Variants in OSBPL10 observed in about 807,000 individuals in gnomAD.
The protein encoded by OSBPL10 is oxysterol-binding protein-related protein 10.
Under a neutral mutation model 81.7 loss-of-function variants are expected in OSBPL10, and 49 were observed. That is an observed-to-expected ratio of 0.60 (90% CI 0.48 to 0.76). The LOEUF (loss-of-function observed/expected upper bound fraction) is 0.76, where lower values mean the gene tolerates loss of function less well. OSBPL10 is among the 30% of genes least tolerant of loss of function. The pLI, the probability that OSBPL10 is intolerant of heterozygous loss-of-function variation, is 0.00. For synonymous variants in OSBPL10, 419 were observed against 383.6 expected (o/e 1.09, Z -1.08); for missense variants, 923 against 987.8 (o/e 0.93, Z 0.88).
intron 6 of OSBPL10, among the ~76,000 whole-genome samples, chr3:31,712,635 C>A (rs9310976): frequency 0.75 from 114,518 of 152,156 alleles, 44,169 homozygotes; most frequent in East Asian, 0.91. Context: ...CTCCAGAAAG[C>A]AATGCAGCCC....
At chr3:31,988,925 C>T in intron 2 of OSBPL10, 1 of 1,009,926 alleles carries the variant, frequency 9.9e-7, no homozygotes, top group Non-Finnish European at 1.4e-6. Flanking sequence ...CCTCCAAACC[C>T]CGACCCACAG....
chr3:31,865,190 C>T (rs1701147086), intron 3 of OSBPL10, among the ~76,000 whole-genome samples: 2 of 152,164 alleles, frequency 1.3e-5, no homozygotes, highest in Admixed American at 6.5e-5. Flanking sequence ...TTCTTAGAAA[C>T]CATTAAGTAA....
At chr3:31,858,002 T>C (rs746719197) in intron 3 of OSBPL10, among the ~76,000 whole-genome samples, 1 of 135,216 alleles carries the variant, frequency 7.4e-6, no homozygotes, top group Non-Finnish European at 1.5e-5. Flanking sequence ...AGCCTGTGTT[T>C]TTTTTTTTTT....
chr3:31,966,925 TATC>T (rs148750982), intron 1 of OSBPL10, among the ~76,000 whole-genome samples: 1 of 151,846 alleles, frequency 6.6e-6, no homozygotes, highest in African/African-American at 2.4e-5. Context: ...AAATTAAAAA[TATC>T]ATAATACCAA....
intron 2 of OSBPL10, among the ~76,000 whole-genome samples, chr3:32,034,237 G>A (rs1449666632): frequency 1.3e-5 from 2 of 151,668 alleles, no homozygotes; most frequent in African/African-American, 2.4e-5. Context: ...ATTTGGGTGG[G>A]GACACAGAGC....
chr3:31,780,463 A>G (rs938839735), intron 4 of OSBPL10, among the ~76,000 whole-genome samples: 2 of 152,096 alleles, frequency 1.3e-5, no homozygotes, highest in African/African-American at 2.4e-5. Flanking sequence ...AGAAATAAAA[A>G]AGATCAGAAT....
chr3:31,923,802 A>G (rs1696987889), intron 1 of OSBPL10, among the ~76,000 whole-genome samples: 1 of 152,134 alleles, frequency 6.6e-6, no homozygotes, highest in Non-Finnish European at 1.5e-5. Context: ...GACAGTGAGG[A>G]GTAAGTAAAA....
chr3:31,790,720 A>G (rs1010902953), intron 4 of OSBPL10, among the ~76,000 whole-genome samples: 2 of 152,134 alleles, frequency 1.3e-5, no homozygotes, highest in Non-Finnish European at 2.9e-5. Flanking sequence ...TGAGAGCTTC[A>G]ACCACCCACT....
At position 32,025,830 on chromosome 3, in the gene OSBPL10, A is replaced by T. The variant is rs559979626; in HGVS notation, n.298+20661T>A. On this transcript the variant is annotated intron_variant and non_coding_transcript_variant, in intron 2 of 3. Transcript: ENST00000479173. ...AGTAATGTCCTCTCTTTCATTCCTG[A>T]TTTTGTGTCTCTTCTTTTCTTGGTC... Among the ~76,000 whole-genome samples the T allele has an allele frequency of 2.6e-5, 4 of 151,904 alleles. No individual in the cohort carries two copies. In the East Asian group the frequency reaches 7.8e-4, roughly 29 times the overall value.
At chr3:31,981,929 G>A (rs1184083722), upstream of OSBPL10, 1 of 152,202 alleles carries the variant, frequency 6.6e-6, no homozygotes, top group Non-Finnish European at 1.5e-5. The surrounding 1 kb of genome is among the most constrained non-coding windows in gnomAD (Gnocchi z 4.5). Context: ...TTTTCATGCA[G>A]CAGGATTATG....
chr3:31,792,853 A>G (rs1286599394), intron 4 of OSBPL10, among the ~76,000 whole-genome samples: 1 of 114,146 alleles, frequency 8.8e-6, no homozygotes, highest in Admixed American at 1.1e-4. Flanking sequence ...TCAGCTATCT[A>G]GGCACTCTGT....
chr3:32,038,223 G>A (rs1400315800), intron 2 of OSBPL10, among the ~76,000 whole-genome samples: 1 of 152,116 alleles, frequency 6.6e-6, no homozygotes, highest in Non-Finnish European at 1.5e-5. Context: ...CAACACAGGC[G>A]AGCCCCAAAA....
chr3:31,925,071 T>G (rs1160212471), intron 1 of OSBPL10, among the ~76,000 whole-genome samples: 1 of 152,196 alleles, frequency 6.6e-6, no homozygotes, highest in Non-Finnish European at 1.5e-5. Context: ...AGCACCTGGC[T>G]GTCACCAAAA....
At position 31,808,066 on chromosome 3, in the gene OSBPL10, A is replaced by G. The variant is rs2125465468; in HGVS notation, c.729+21974T>C. 2.0e-5 allele frequency among the ~76,000 whole-genome samples: 3 copies of G among 152,302 alleles called. No individual in the cohort carries two copies. The South Asian group carries it at 6.2e-4, about 32-fold the overall frequency. ...TACTTCTATCCCGATTTTGTAACTG[A>G]GCAGCTAGCTACAATGACCCTGAGT... On this transcript the variant is annotated intron_variant, in intron 4 of 11. Coordinates refer to ENST00000396556, the MANE Select transcript of OSBPL10 (RefSeq NM_017784.5).
chr3:31,768,736 C>A (rs1698273241), intron 4 of OSBPL10, among the ~76,000 whole-genome samples: 1 of 152,134 alleles, frequency 6.6e-6, no homozygotes, highest in African/African-American at 2.4e-5. Context: ...CATCAGGAAC[C>A]CAAACCTACA....
intron 4 of OSBPL10, among the ~76,000 whole-genome samples, chr3:31,750,737 T>G (rs1370279254): frequency 6.6e-6 from 1 of 152,144 alleles, no homozygotes; most frequent in East Asian, 1.9e-4. Context: ...CATTATGTTT[T>G]TATTATTATG....
At chr3:31,974,015 GT>G (rs2125495948) in intron 1 of OSBPL10, among the ~76,000 whole-genome samples, 1 of 152,286 alleles carries the variant, frequency 6.6e-6, no homozygotes, top group East Asian at 1.9e-4. Flanking sequence ...TATATATGCA[GT>G]GCCCAGGCAC....
intron 4 of OSBPL10, among the ~76,000 whole-genome samples, chr3:31,765,208 G>GTT (rs562046627): frequency 6.9e-6 from 1 of 145,878 alleles, no homozygotes. Flanking sequence ...TTTTGTTTTT[G>GTT]TTTTTTTTTT....
intron 2 of OSBPL10, among the ~76,000 whole-genome samples, chr3:31,998,962 T>C (rs905612667): frequency 2.6e-5 from 4 of 152,202 alleles, no homozygotes; most frequent in Admixed American, 1.3e-4. Flanking sequence ...TATTTAGCTA[T>C]TTTGCATTCA....
Sources: gnomAD v4.1 joint callset for allele counts (sites outside exome capture counted in the v4.1 genomes callset) on GRCh38, gnomAD v4.1.1 for gene constraint, Gnocchi (gnomAD v3.1) non-coding constraint, MANE v1.5 for transcripts, NCBI Gene and HGNC (gene_info 2026-07-23, HGNC 2026-07-21) for gene names.